Variants in PRKG1 observed in about 807,000 individuals in gnomAD.
PRKG1 encodes cGMP-dependent protein kinase 1.
In PRKG1, 35 loss-of-function variants were observed where a neutral mutation model predicts 88.1. The ratio of observed to expected loss-of-function variants is 0.40; its 90% confidence interval spans 0.30 to 0.53. The LOEUF is 0.53. Among genes scored for constraint, PRKG1 ranks in the 20% least tolerant of loss-of-function variants. PRKG1 has a pLI of 0.59. For synonymous variants in PRKG1, 303 were observed against 292.5 expected (o/e 1.04, Z -0.37); for missense variants, 540 against 839.8 (o/e 0.64, Z 4.41).
chr10:51,277,522 A>G (rs559300187), intron 2 of PRKG1, among the ~76,000 whole-genome samples: 9 of 152,234 alleles, frequency 5.9e-5, no homozygotes, highest in Admixed American at 2.0e-4. Flanking sequence ...GCTTGATGGG[A>G]ATGGCATTGA....
At chr10:51,358,310 G>A (rs145725964) in intron 2 of PRKG1, among the ~76,000 whole-genome samples, 3 of 151,914 alleles carry the variant, frequency 2.0e-5, no homozygotes, top group African/African-American at 7.2e-5. Context: ...TTATGACCTA[G>A]CCTCAAAACT....
At chr10:52,222,807 T>C (rs1414024898) in intron 9 of PRKG1, among the ~76,000 whole-genome samples, 1 of 152,212 alleles carries the variant, frequency 6.6e-6, no homozygotes, top group Non-Finnish European at 1.5e-5. Flanking sequence ...TTGGTGGTGC[T>C]GTTGATAGGA....
chr10:52,041,781 T>TTAAATA (rs1845760175), intron 5 of PRKG1, among the ~76,000 whole-genome samples: 1 of 152,150 alleles, frequency 6.6e-6, no homozygotes, highest in Non-Finnish European at 1.5e-5. Context: ...TAATAATTTC[T>TTAAATA]TGTGATCTTA....
chr10:51,741,949 C>T (rs1837445473), intron 3 of PRKG1, among the ~76,000 whole-genome samples: 1 of 152,192 alleles, frequency 6.6e-6, no homozygotes, highest in South Asian at 2.1e-4. Flanking sequence ...GATTAGTGTT[C>T]TGTGTTTAAT....
At chr10:52,292,402 C>T (rs1241698981) in intron 17 of PRKG1, among the ~76,000 whole-genome samples, 3 of 151,834 alleles carry the variant, frequency 2.0e-5, no homozygotes, top group Non-Finnish European at 2.9e-5. Flanking sequence ...TTAGGTCTAA[C>T]GTTTAAGTCT....
intron 4 of PRKG1, among the ~76,000 whole-genome samples, chr10:51,856,437 A>G (rs1840681143): frequency 6.6e-6 from 1 of 152,324 alleles, no homozygotes; most frequent in Admixed American, 6.5e-5. Flanking sequence ...CTAATTTTGC[A>G]TGGGAAGCCA....
chr10:52,283,483 T>C (rs919398974), intron 14 of PRKG1, among the ~76,000 whole-genome samples: 3 of 152,244 alleles, frequency 2.0e-5, no homozygotes, highest in Non-Finnish European at 4.4e-5. Flanking sequence ...AAGCATTCCA[T>C]GAATGTTAGC....
chr10:51,944,386 T>G (rs564716637), intron 5 of PRKG1, among the ~76,000 whole-genome samples: 11 of 152,096 alleles, frequency 7.2e-5, no homozygotes, highest in Non-Finnish European at 1.5e-4. Flanking sequence ...TCAATTTTGT[T>G]GATCCTTTCA....
At chr10:51,196,674 C>G (rs1190436817) in intron 2 of PRKG1, among the ~76,000 whole-genome samples, 1 of 152,072 alleles carries the variant, frequency 6.6e-6, no homozygotes. Flanking sequence ...AGAAAAATGA[C>G]CTGAAATTCA....
intron 4 of PRKG1, among the ~76,000 whole-genome samples, chr10:51,900,162 A>G (rs930802973): frequency 6.6e-6 from 1 of 152,170 alleles, no homozygotes; most frequent in African/African-American, 2.4e-5. Context: ...ACTAACATAC[A>G]TATCTTCTTC....
intron 3 of PRKG1, among the ~76,000 whole-genome samples, chr10:51,623,729 T>C (rs893974095): frequency 6.6e-6 from 1 of 152,158 alleles, no homozygotes; most frequent in African/African-American, 2.4e-5. Context: ...GGAGTTGGTC[T>C]TGTCTAAGTT....
At position 51,881,165 on chromosome 10, in the gene PRKG1, C is replaced by T. The variant is rs187943147; in HGVS notation, c.699-26342C>T. On this transcript the variant is annotated intron_variant, in intron 4 of 17. Coordinates refer to ENST00000373980, the MANE Select transcript of PRKG1 (RefSeq NM_006258.4). ...AAAGATCAGAGTGACTAGAGTAGTG[C>T]GCATGAAGGGGAGAGGGCTGAAAGT... Among the ~76,000 whole-genome samples the T allele has an allele frequency of 1.8e-4, 27 of 151,872 alleles. 1 individual carries two copies. Among genetic ancestry groups the T allele is most frequent in the Admixed American group, 9.8e-4 (15 of 15,246 alleles).
intron 1 of PRKG1, among the ~76,000 whole-genome samples, chr10:51,096,639 A>G (rs1396238392): frequency 6.6e-6 from 1 of 152,186 alleles, no homozygotes; most frequent in Non-Finnish European, 1.5e-5. Flanking sequence ...GTGTTACTTT[A>G]GGTAAGTTGT....
chr10:52,234,373 C>T (rs186600035), intron 9 of PRKG1, among the ~76,000 whole-genome samples: 3,049 of 151,974 alleles, frequency 0.02, 98 homozygotes, highest in African/African-American at 0.064. Context: ...CTCTGAGCTA[C>T]GGGAGGACAT....
At chr10:51,924,715 CT>C (rs200481363) in intron 5 of PRKG1, among the ~76,000 whole-genome samples, 4,559 of 142,338 alleles carry the variant, frequency 0.032, 224 homozygotes, top group African/African-American at 0.11. Flanking sequence ...CTCGAATATT[CT>C]TTTTTTTTTT....
rs1458150138 is a variant in PRKG1, at chr10:52,182,574, C to T, written c.1076+20611C>T. On this transcript the variant is annotated intron_variant, in intron 9 of 17. Coordinates refer to ENST00000373980, the MANE Select transcript of PRKG1 (RefSeq NM_006258.4). ...AGGGTTTTTATGGTTGTAGGTCTAA[C>T]GTTTAAATCTTTAATCCATCTTGAA... 2.3e-5 allele frequency among the ~76,000 whole-genome samples: 3 copies of T among 130,630 alleles called. 1 individual carries two copies. The highest frequency in any genetic ancestry group is 1.6e-5 in the Non-Finnish European group (1 of 61,638). The allele number at this position is 130,630 out of a possible 152,430, so 85.7% of individuals were successfully genotyped here. A position where few individuals can be genotyped will look rare whatever the true frequency, so the allele number is the denominator to read the frequency against.
At chr10:51,637,024 T>A (rs1211189995) in intron 3 of PRKG1, among the ~76,000 whole-genome samples, 2 of 152,182 alleles carry the variant, frequency 1.3e-5, no homozygotes, top group African/African-American at 2.4e-5. Context: ...TCCAATATGG[T>A]GGTTCATTTT....
intron 7 of PRKG1, among the ~76,000 whole-genome samples, chr10:52,093,682 G>A (rs1052157563): frequency 6.6e-6 from 1 of 152,082 alleles, no homozygotes; most frequent in African/African-American, 2.4e-5. Flanking sequence ...TTTGAATTAT[G>A]CAAATAATCA....
chr10:51,481,542 C>T (rs1224423854), intron 3 of PRKG1, among the ~76,000 whole-genome samples: 1 of 152,110 alleles, frequency 6.6e-6, no homozygotes, highest in Non-Finnish European at 1.5e-5. Flanking sequence ...AGCCACCATG[C>T]CCGGCCAGAC....
Sources: allele counts gnomAD v4.1 joint callset (sites outside exome capture counted in the v4.1 genomes callset), GRCh38; gene constraint gnomAD v4.1.1; transcripts MANE v1.5; gene names NCBI Gene and HGNC (gene_info 2026-07-23, HGNC 2026-07-21).